The following CDH4 variants were observed in gnomAD, a reference collection of about 807,000 sequenced individuals.
CDH4 encodes the protein cadherin-4.
CDH4 carries 33 observed loss-of-function variants against 86.0 expected under a neutral mutation model. That is an observed-to-expected ratio of 0.38 (90% CI 0.29 to 0.51). The LOEUF is 0.51. Ranked by LOEUF, CDH4 falls within the 20% of genes least tolerant of loss-of-function variation. The pLI, the probability that CDH4 is intolerant of heterozygous loss-of-function variation, is 0.86. For synonymous variants in CDH4, 555 were observed against 549.4 expected, an observed-to-expected ratio of 1.01 and a Z score of -0.14; for missense variants, 1,114 against 1,307.4, an observed-to-expected ratio of 0.85 and a Z score of 2.28.
chr20:61,830,761 C>T (rs942495570), intron 4 of CDH4, among the ~76,000 whole-genome samples: 1 of 152,268 alleles, frequency 6.6e-6, no homozygotes, highest in Non-Finnish European at 1.5e-5. Flanking sequence ...GGCTTCACTC[C>T]GCGGTCATTT....
chr20:61,628,207 C>T (rs1170971822), intron 2 of CDH4, among the ~76,000 whole-genome samples: 4 of 152,142 alleles, frequency 2.6e-5, no homozygotes, highest in Non-Finnish European at 5.9e-5. Context: ...TTCCCAGGAC[C>T]CCCGGCTGCT....
Position 61,711,696 on chromosome 20 carries a change from G to A in CDH4, c.170-31867G>A, listed in dbSNP as rs180713215. Among the ~76,000 whole-genome samples the A allele has an allele frequency of 4.8e-3, 725 of 152,354 alleles. 3 individuals are homozygous for A. Among genetic ancestry groups the A allele is most frequent in the Non-Finnish European group, 5.8e-3 (392 of 68,030 alleles). ...GGCATAGTCACAGGTCTGGGATTAG[G>A]ATTTGGACATCTGGGGAGGGCCGTT... On this transcript the variant is annotated intron_variant, in intron 2 of 15. Coordinates refer to ENST00000614565, the MANE Select transcript of CDH4 (RefSeq NM_001794.5).
intron 2 of CDH4, among the ~76,000 whole-genome samples, chr20:61,353,687 TCC>T (rs2084729095): frequency 3.1e-4 from 1 of 3,216 alleles, no homozygotes; most frequent in Non-Finnish European, 6.2e-4. Flanking sequence ...CTCCTCCCCC[TCC>T]TCCTCCCCTC....
At chr20:61,747,662 A>C (rs182965633) in intron 3 of CDH4, among the ~76,000 whole-genome samples, 20 of 152,342 alleles carry the variant, frequency 1.3e-4, no homozygotes, top group African/African-American at 4.1e-4. Flanking sequence ...ATATCTGCAG[A>C]TTTGACATAG....
At chr20:61,312,525 C>A (rs1302902446) in intron 2 of CDH4, among the ~76,000 whole-genome samples, 1 of 152,042 alleles carries the variant, frequency 6.6e-6, no homozygotes, top group African/African-American at 2.4e-5. Context: ...TCCAGCTGGT[C>A]CGTATTGGGG....
At chr20:61,762,626 A>G (rs2088648725) in intron 3 of CDH4, among the ~76,000 whole-genome samples, 1 of 152,210 alleles carries the variant, frequency 6.6e-6, no homozygotes, top group Non-Finnish European at 1.5e-5. Flanking sequence ...AAATCAGGGA[A>G]GTGAAGAAGC....
At chr20:61,671,729 G>C (rs555868352) in intron 2 of CDH4, among the ~76,000 whole-genome samples, 42 of 151,612 alleles carry the variant, frequency 2.8e-4, no homozygotes, top group African/African-American at 9.4e-4. Flanking sequence ...TGAATGGATG[G>C]GTGGATGGAT....
At chr20:61,793,875 A>G (rs982226490) in intron 4 of CDH4, among the ~76,000 whole-genome samples, 5 of 146,798 alleles carry the variant, frequency 3.4e-5, no homozygotes, top group Non-Finnish European at 6.0e-5. Flanking sequence ...ACGGTGGCTC[A>G]CTCCTGTAAT....
chr20:61,743,719 C>T lies in CDH4; in HGVS notation c.326C>T (p.Thr109Ile), dbSNP rs1471947800. 6.2e-7 allele frequency: 1 copy of T among 1,611,432 alleles called. No homozygotes were observed. The change falls in exon 3 of 16, where the codon ACA becomes ATA. Residue 109 changes from threonine to isoleucine, a missense_variant. Around this residue, in one of 3 missense-constraint regions of CDH4, gnomAD observed 221 missense variants for 209.5 expected, o/e 1.05. Transcript: ENST00000614565. Reference sequence around the variant, plus strand: ...ACGGTGACTGCATGGGACAGCCAGACAGCAGAGAAATGGGACGCCGTGGTG... The same window carrying T: ...ACGGTGACTGCATGGGACAGCCAGATAGCAGAGAAATGGGACGCCGTGGTG... ...AFTVTAWDSQ[T>I]AEKWDAVVRL...
At chr20:61,653,842 A>G (rs1399072560) in intron 2 of CDH4, among the ~76,000 whole-genome samples, 1 of 105,058 alleles carries the variant, frequency 9.5e-6, no homozygotes, top group African/African-American at 3.5e-5. Flanking sequence ...CCGGGCAGAG[A>G]CGCTCCTCAC....
At chr20:61,878,586 C>T (rs1005296467) in intron 7 of CDH4, among the ~76,000 whole-genome samples, 1 of 152,222 alleles carries the variant, frequency 6.6e-6, no homozygotes, top group Non-Finnish European at 1.5e-5. Flanking sequence ...TCAGCAGCCC[C>T]TCCCAGTGGG....
At chr20:61,610,961 G>A (rs1398771564) in intron 2 of CDH4, among the ~76,000 whole-genome samples, 1 of 152,064 alleles carries the variant, frequency 6.6e-6, no homozygotes, top group East Asian at 1.9e-4. Context: ...TCAGAATCCA[G>A]AAGACCGTCT....
chr20:61,389,964 C>A (rs1304345826), intron 2 of CDH4, among the ~76,000 whole-genome samples: 3 of 146,678 alleles, frequency 2.0e-5, no homozygotes, highest in Admixed American at 2.0e-4. Flanking sequence ...GTCCATAGTG[C>A]CGTGTCTGGG....
chr20:61,423,742 TC>T (rs916320597), intron 2 of CDH4, among the ~76,000 whole-genome samples: 1 of 152,160 alleles, frequency 6.6e-6, no homozygotes, highest in African/African-American at 2.4e-5. Flanking sequence ...TAATAACACT[TC>T]CTCAGGTCCT....
At chr20:61,909,902 G>A (rs2054830462) in intron 8 of CDH4, among the ~76,000 whole-genome samples, 2 of 152,224 alleles carry the variant, frequency 1.3e-5, no homozygotes, top group African/African-American at 4.8e-5. Context: ...CTGGGGTGGG[G>A]ACTGGGAATG....
chr20:61,677,655 AGGTGGGTG>A lies in CDH4; in HGVS notation c.170-65894_170-65887del, dbSNP rs200441605. Among the ~76,000 whole-genome samples the A allele has an allele frequency of 5.7e-4, 3 of 5,298 alleles. No homozygotes were observed. The East Asian group carries it at 0.03, about 53-fold the overall frequency. 3.5% of individuals were successfully genotyped at this position (5,298 alleles called of 152,430 possible). A position where few individuals can be genotyped will look rare whatever the true frequency, so the allele number is the denominator to read the frequency against. ...ATGACAAAAGGATAAGTGGGTAGGT[AGGTGGGTG>A]GGTGGGTGGGTGGACAGACGGACGG... On this transcript the variant is annotated intron_variant, in intron 2 of 15. Coordinates refer to ENST00000614565, the MANE Select transcript of CDH4 (RefSeq NM_001794.5).
intron 2 of CDH4, among the ~76,000 whole-genome samples, chr20:61,695,036 A>G (rs2087701961): frequency 6.6e-6 from 1 of 152,362 alleles, no homozygotes; most frequent in East Asian, 1.9e-4. Flanking sequence ...GGATAGGTGC[A>G]GAAAATATGT....
chr20:61,575,801 A>G (rs888867155), intron 2 of CDH4, among the ~76,000 whole-genome samples: 13 of 152,246 alleles, frequency 8.5e-5, no homozygotes, highest in Admixed American at 6.5e-4. Context: ...GCTGAGCAGC[A>G]TATGATAAAA....
intron 2 of CDH4, among the ~76,000 whole-genome samples, chr20:61,632,631 T>A (rs2145789964): frequency 6.6e-6 from 1 of 151,452 alleles, no homozygotes; most frequent in South Asian, 2.1e-4. Flanking sequence ...CTCACATCCA[T>A]CCATTTCCCC....
Sources: allele counts gnomAD v4.1 joint callset (sites outside exome capture counted in the v4.1 genomes callset), GRCh38; gene constraint gnomAD v4.1.1; regional missense constraint gnomAD v4.1.1; transcripts MANE v1.5; gene names NCBI Gene and HGNC (gene_info 2026-07-23, HGNC 2026-07-21).